Variants in SEPTIN11 observed in about 807,000 individuals in gnomAD.
SEPTIN11 encodes septin 11.
A neutral mutation model predicts 51.4 loss-of-function variants in SEPTIN11; 25 were observed. That is an observed-to-expected ratio of 0.49 (90% confidence interval 0.35 to 0.68). The LOEUF is 0.68. Ranked by LOEUF, SEPTIN11 falls within the 30% of genes least tolerant of loss-of-function variation. SEPTIN11 has a pLI of 0.00. For missense variants in SEPTIN11, 381 were observed against 520.8 expected (o/e 0.73, Z 2.61); for synonymous variants, 174 against 184.1 (o/e 0.95, Z 0.44).
At chr4:76,954,745 G>A (rs541896017) in intron 1 of SEPTIN11, among the ~76,000 whole-genome samples, 17 of 152,182 alleles carry the variant, frequency 1.1e-4, no homozygotes, top group Non-Finnish European at 2.5e-4. Flanking sequence ...TAGGATCGAC[G>A]CCAATGAGTG....
chr4:77,007,914 G>A (rs556645834), intron 3 of SEPTIN11, among the ~76,000 whole-genome samples: 87 of 152,324 alleles, frequency 5.7e-4, no homozygotes, highest in Non-Finnish European at 1.1e-3. Flanking sequence ...ATAACCATAT[G>A]GAAAGGGATG....
At position 77,024,852 on chromosome 4, in the gene SEPTIN11, G is replaced by A. The variant is rs574706088; in HGVS notation, c.954-3777G>A. 1.3e-5 allele frequency among the ~76,000 whole-genome samples: 2 copies of A among 152,298 alleles called. No homozygotes were observed. The highest frequency in any genetic ancestry group is 2.9e-5 in the Non-Finnish European group (2 of 68,018). Reference sequence around the variant, plus strand: ...CCAAGTTTCCCCATCTATAAAGTGGGAGGTGATAGTAATGGCTACCTTATT... The same window carrying A: ...CCAAGTTTCCCCATCTATAAAGTGGAAGGTGATAGTAATGGCTACCTTATT... On this transcript the variant is annotated intron_variant, in intron 7 of 9. Coordinates refer to ENST00000264893, the MANE Select transcript of SEPTIN11 (RefSeq NM_018243.4). This position sits in a 1 kb window ranked among gnomAD's most constrained non-coding sequence, Gnocchi z 4.2.
chr4:76,994,149 G>A (rs904037), intron 1 of SEPTIN11, among the ~76,000 whole-genome samples: 79,396 of 152,018 alleles, frequency 0.52, 21,655 homozygotes, highest in Middle Eastern at 0.62. Context: ...CTTTCATACC[G>A]TTCACGAACG....
chr4:76,958,049 A>G (rs4859469), intron 1 of SEPTIN11, among the ~76,000 whole-genome samples: 15,345 of 152,254 alleles, frequency 0.1, 1,336 homozygotes, highest in East Asian at 0.24. Context: ...AAGGGAAAGG[A>G]CTATATGTCC....
intron 9 of SEPTIN11, among the ~76,000 whole-genome samples, chr4:77,032,887 T>C (rs1377156195): frequency 6.6e-6 from 1 of 151,652 alleles, no homozygotes; most frequent in East Asian, 1.9e-4. Context: ...CTTTTGAACA[T>C]GTTAGGTTAT....
intron 4 of SEPTIN11, among the ~76,000 whole-genome samples, chr4:77,013,563 C>G (rs186609885): frequency 1.3e-5 from 2 of 152,292 alleles, no homozygotes; most frequent in African/African-American, 2.4e-5. Flanking sequence ...TAGGAAGTTT[C>G]TTGTTCCTCT....
chr4:76,983,915 G>A (rs763379803), intron 1 of SEPTIN11, among the ~76,000 whole-genome samples: 1 of 152,190 alleles, frequency 6.6e-6, no homozygotes, highest in Non-Finnish European at 1.5e-5. Context: ...GCTGAGGCAG[G>A]AGAATTGCTT....
At chr4:77,021,909 G>A (rs1725747689) in intron 7 of SEPTIN11, among the ~76,000 whole-genome samples, 1 of 152,208 alleles carries the variant, frequency 6.6e-6, no homozygotes, top group Non-Finnish European at 1.5e-5. Context: ...AACAAATGCA[G>A]AACCCAGACA....
chr4:77,011,702 T>G (rs759507426), intron 3 of SEPTIN11, 33 bp from the exon 4 acceptor site: 6 of 1,600,116 alleles, frequency 3.7e-6, no homozygotes, highest in Non-Finnish European at 5.1e-6. Context: ...GAAAGAGGTT[T>G]GAGACTAGAA....
chr4:77,034,637 T>C lies in SEPTIN11; in HGVS notation c.*125T>C. 1 of 1,349,854 alleles carries C rather than the reference T, an allele frequency of 7.4e-7. No individual in the cohort carries two copies. Among genetic ancestry groups the C allele is most frequent in the Middle Eastern group, 2.6e-4 (1 of 3,862 alleles). 83.6% of individuals were successfully genotyped at this position (1,349,854 alleles called of 1,614,324 possible). The stretch of plus-strand genomic sequence containing the variant: ...TTTTTTACCCTTCCTCAAACACCAG[T>C]AACTATTATTAACTCGTTTTGCTGA... On this transcript the variant is annotated 3_prime_UTR_variant, in exon 10 of 10. Coordinates refer to ENST00000264893, the MANE Select transcript of SEPTIN11 (RefSeq NM_018243.4).
intron 1 of SEPTIN11, among the ~76,000 whole-genome samples, chr4:76,957,671 A>C (rs1721621556): frequency 6.6e-6 from 1 of 152,068 alleles, no homozygotes; most frequent in South Asian, 2.1e-4. Context: ...ACCCCACCCC[A>C]GTGGGAACTG....
chr4:77,025,210 A>C (rs1726030624), intron 7 of SEPTIN11, among the ~76,000 whole-genome samples: 1 of 152,218 alleles, frequency 6.6e-6, no homozygotes, highest in South Asian at 2.1e-4. Context: ...CTGTAATTAA[A>C]AATTAAGTTT....
At position 77,036,089 on chromosome 4, in the gene SEPTIN11, C is replaced by G; in HGVS notation, c.*1577C>G. ...AAGATTTTTTCTCCTTTTCTTTGTC[C>G]TCAACCATACTTAGAGGAAAGAAGG... is the stretch of plus-strand genomic sequence containing the variant. On this transcript the variant is annotated 3_prime_UTR_variant, in exon 10 of 10. Transcript: ENST00000264893. 3 of 985,844 alleles carry G rather than the reference C, an allele frequency of 3.0e-6. No homozygotes were observed. Among genetic ancestry groups the G allele is most frequent in the Non-Finnish European group, 3.6e-6 (3 of 829,970 alleles). The allele number at this position is 985,844 out of a possible 1,614,324, so 61.1% of individuals were successfully genotyped here.
intron 2 of SEPTIN11, among the ~76,000 whole-genome samples, chr4:76,999,490 G>A (rs1437024814): frequency 2.6e-5 from 4 of 152,122 alleles, no homozygotes; most frequent in African/African-American, 9.7e-5. Context: ...ATGCACATGT[G>A]TGATATTTAT....
At chr4:77,002,374 A>G (rs926086211) in intron 2 of SEPTIN11, among the ~76,000 whole-genome samples, 1 of 152,072 alleles carries the variant, frequency 6.6e-6, no homozygotes, top group Admixed American at 6.6e-5. Context: ...GTAACCTGGA[A>G]TGCTTGCCAT....
At chr4:76,952,490 G>A (rs1721391354) in intron 1 of SEPTIN11, among the ~76,000 whole-genome samples, 1 of 152,154 alleles carries the variant, frequency 6.6e-6, no homozygotes, top group Admixed American at 6.5e-5. Flanking sequence ...GAACATCTGA[G>A]TGTGATATCC....
intron 1 of SEPTIN11, among the ~76,000 whole-genome samples, chr4:76,981,100 C>G (rs550226250): frequency 1.3e-5 from 2 of 152,322 alleles, no homozygotes; most frequent in African/African-American, 2.4e-5. Context: ...TTTGTGGTAA[C>G]AACATGAGTA....
chr4:76,967,907 T>C (rs1490093208), intron 1 of SEPTIN11, among the ~76,000 whole-genome samples: 2 of 152,176 alleles, frequency 1.3e-5, no homozygotes, highest in East Asian at 1.9e-4. Context: ...CATTTTTGAA[T>C]TGTTTCTGTA....
At chr4:77,022,585 A>C (rs1175265308) in intron 7 of SEPTIN11, among the ~76,000 whole-genome samples, 1 of 152,174 alleles carries the variant, frequency 6.6e-6, no homozygotes, top group Non-Finnish European at 1.5e-5. Flanking sequence ...GTAAAACTTC[A>C]TTTACAAAAA....
Sources: gnomAD v4.1 joint callset for allele counts (sites outside exome capture counted in the v4.1 genomes callset) on GRCh38, gnomAD v4.1.1 for gene constraint, Gnocchi (gnomAD v3.1) non-coding constraint, MANE v1.5 for transcripts, NCBI Gene and HGNC (gene_info 2026-07-23, HGNC 2026-07-21) for gene names.